MYPN: variants seen among roughly 807,000 people sequenced by gnomAD.
MYPN encodes the protein sarcomeric protein myopalladin, 145 kDa (MYOP).
A neutral mutation model predicts 129.4 loss-of-function variants in MYPN; 63 were observed. That is an observed-to-expected ratio of 0.49 (90% CI 0.40 to 0.60). The LOEUF (loss-of-function observed/expected upper bound fraction) is 0.60, where lower values mean the gene tolerates loss of function less well. Among genes scored for constraint, MYPN ranks in the 20% least tolerant of loss-of-function variants. The pLI is 0.00. For synonymous variants in MYPN, 629 were observed against 600.9 expected (o/e 1.05, Z -0.68); for missense variants, 1,596 against 1,635.4 (o/e 0.98, Z 0.42).
intron 1 of MYPN, among the ~76,000 whole-genome samples, chr10:68,092,368 G>C (rs777705914): frequency 6.6e-6 from 1 of 151,924 alleles, no homozygotes; most frequent in African/African-American, 2.4e-5. Context: ...GGTGGCAGGC[G>C]CCTGTTATCC....
chr10:68,175,703 T>C (rs2043217872), intron 12 of MYPN, among the ~76,000 whole-genome samples: 1 of 152,116 alleles, frequency 6.6e-6, no homozygotes. Flanking sequence ...TAGGATATAT[T>C]AAAGAAGAGA....
intron 1 of MYPN, among the ~76,000 whole-genome samples, chr10:68,109,944 G>GAGTTCCTAAGGAAACTCA (rs1033090941): frequency 6.6e-6 from 1 of 152,144 alleles, no homozygotes; most frequent in Non-Finnish European, 1.5e-5. Context: ...CAGACTACTT[G>GAGTTCCTAAGGAAACTCA]AGTTCCTAAG....
chr10:68,156,316 A>G (rs2042872585), intron 6 of MYPN, among the ~76,000 whole-genome samples: 2 of 152,140 alleles, frequency 1.3e-5, no homozygotes, highest in Non-Finnish European at 2.9e-5. Flanking sequence ...TGAGCACACA[A>G]TTTGCTCAGA....
intron 18 of MYPN, among the ~76,000 whole-genome samples, chr10:68,203,693 A>G (rs1041622842): frequency 6.5e-4 from 19 of 29,190 alleles, no homozygotes; most frequent in Non-Finnish European, 1.9e-3. Context: ...GCGCACGCAC[A>G]CACACACACA....
chr10:68,207,597 C>T (rs574803153), intron 19 of MYPN, among the ~76,000 whole-genome samples: 3 of 97,374 alleles, frequency 3.1e-5, no homozygotes, highest in African/African-American at 1.3e-4. Context: ...TCATTTATTC[C>T]TTTAACAAAT....
chr10:68,167,940 C>T (rs1161011582), intron 10 of MYPN, among the ~76,000 whole-genome samples: 2 of 152,166 alleles, frequency 1.3e-5, no homozygotes, highest in South Asian at 2.1e-4. Flanking sequence ...ACTAGAGAGG[C>T]GGGAACTGGG....
At chr10:68,135,001 G>C (rs2042464825) in intron 2 of MYPN, among the ~76,000 whole-genome samples, 1 of 151,760 alleles carries the variant, frequency 6.6e-6, no homozygotes, top group African/African-American at 2.4e-5. Context: ...ACCCAGGCTG[G>C]AGTACAGTGC....
chr10:68,148,389 T>A lies in MYPN; in HGVS notation c.1167T>A (p.Thr389=). The A allele has an allele frequency of 6.2e-7, 1 of 1,614,160 alleles. No individual in the cohort carries two copies. Among genetic ancestry groups the A allele is most frequent in the Non-Finnish European group, 8.5e-7 (1 of 1,179,966 alleles). The change falls in exon 5 of 20, where the codon ACT becomes ACA. Residue 389 remains threonine, a synonymous_variant. Coordinates refer to ENST00000358913, the MANE Select transcript of MYPN (RefSeq NM_032578.4). The stretch of plus-strand genomic sequence containing the variant: ...CAAATGAGGTGTCATCTCCTCCCAC[T>A]ACCTCTGCAGTCATTCCTCCAGCAG... ...QKPNEVSSPP[T]TSAVIPPAVP...
intron 2 of MYPN, among the ~76,000 whole-genome samples, chr10:68,125,820 G>A (rs1306575428): frequency 6.6e-6 from 1 of 152,168 alleles, no homozygotes; most frequent in African/African-American, 2.4e-5. Context: ...TTCACTGGGA[G>A]TACAAAACAA....
At chr10:68,204,379 T>C (rs1219615286) in intron 18 of MYPN, among the ~76,000 whole-genome samples, 1 of 152,168 alleles carries the variant, frequency 6.6e-6, no homozygotes, top group Non-Finnish European at 1.5e-5. Flanking sequence ...GCGGCCAGGC[T>C]CAAGCCCTAT....
chr10:68,140,996 C>T (rs769603181), intron 2 of MYPN, among the ~76,000 whole-genome samples: 5 of 152,200 alleles, frequency 3.3e-5, no homozygotes, highest in Middle Eastern at 3.4e-3. Context: ...CACCTGAGCC[C>T]GGGGAGGTTG....
intron 12 of MYPN, among the ~76,000 whole-genome samples, chr10:68,187,767 A>G (rs1254475148): frequency 2.0e-5 from 3 of 152,232 alleles, no homozygotes; most frequent in Non-Finnish European, 4.4e-5. Context: ...AGAGGAGCAC[A>G]GGAGACTGGT....
At chr10:68,190,628 T>G (rs1181051048) in intron 13 of MYPN, among the ~76,000 whole-genome samples, 1 of 152,254 alleles carries the variant, frequency 6.6e-6, no homozygotes, top group Admixed American at 6.5e-5. Context: ...TCTCCCATTC[T>G]GTAGGTTGTC....
At position 68,182,231 on chromosome 10, in the gene MYPN, ATATATAACATATATATAAC is replaced by A. The variant is rs1254597622; in HGVS notation, c.2704-6673_2704-6655del. Among the ~76,000 whole-genome samples the A allele has an allele frequency of 2.2e-4, 18 of 82,992 alleles. No homozygotes were observed. In the East Asian group the frequency reaches 2.8e-3, roughly 13 times the overall value. The allele number at this position is 82,992 out of a possible 152,430, so 54.4% of individuals were successfully genotyped here. A position where few individuals can be genotyped will look rare whatever the true frequency, so the allele number is the denominator to read the frequency against. On this transcript the variant is annotated intron_variant, in intron 12 of 19. Transcript: ENST00000358913. ...TGTTATATATATATATAACACATAT[ATATATAACATATATATAAC>A]ACACATATATATATAACATATATAT... is the stretch of plus-strand genomic sequence containing the variant.
At chr10:68,184,799 C>T (rs2043394391) in intron 12 of MYPN, among the ~76,000 whole-genome samples, 1 of 152,124 alleles carries the variant, frequency 6.6e-6, no homozygotes, top group Non-Finnish European at 1.5e-5. Context: ...CTTTCGGTGC[C>T]TGTGCCCTGT....
rs1451740983 is a variant in MYPN at position 68,148,396 on chromosome 10, GC to G, written c.1175del (p.Ala392GlufsTer67). Reference sequence around the variant, plus strand: ...GGTGTCATCTCCTCCCACTACCTCTGCAGTCATTCCTCCAGCAGTACCCCAA... The same window carrying G: ...GGTGTCATCTCCTCCCACTACCTCTGAGTCATTCCTCCAGCAGTACCCCAA... ...NEVSSPPTTS[A>X]VIPPAVPQAQ... On this transcript the variant is annotated frameshift_variant, in exon 5 of 20. Transcript: ENST00000358913. LOFTEE classifies it high-confidence loss of function. 1.2e-6 allele frequency: 2 copies of G among 1,613,982 alleles called. No individual in the cohort carries two copies. The highest frequency in any genetic ancestry group is 3.3e-5 in the Admixed American group (2 of 59,994).
chr10:68,108,234 A>C (rs1227921180), upstream of MYPN, among the ~76,000 whole-genome samples: 3 of 152,332 alleles, frequency 2.0e-5, no homozygotes, highest in South Asian at 6.2e-4. Flanking sequence ...AGTGTTCTTC[A>C]TCTTTTTTTG....
intron 16 of MYPN, among the ~76,000 whole-genome samples, chr10:68,198,590 C>T (rs1318950163): frequency 1.3e-5 from 2 of 152,156 alleles, no homozygotes; most frequent in Admixed American, 6.6e-5. Flanking sequence ...GCTACATCCC[C>T]CTCCCTAAAC....
chr10:68,211,960 T>C lies in MYPN; in HGVS notation c.*1505T>C. 2.7e-6 allele frequency: 1 copy of C among 367,432 alleles called. No homozygotes were observed. The highest frequency in any genetic ancestry group is 5.3e-6 in the Non-Finnish European group (1 of 187,264). The allele number at this position is 367,432 out of a possible 1,614,324, so 22.8% of individuals were successfully genotyped here. A position where few individuals can be genotyped will look rare whatever the true frequency, so the allele number is the denominator to read the frequency against. The stretch of plus-strand genomic sequence containing the variant: ...GTAACTGCTTAGAAAGGCTTGAAAC[T>C]GTCTTCACTTCAAGGCAAGGATTTC... On this transcript the variant is annotated 3_prime_UTR_variant, in exon 20 of 20. Coordinates refer to ENST00000358913, the MANE Select transcript of MYPN (RefSeq NM_032578.4).
Sources: gnomAD v4.1 joint callset for allele counts (sites outside exome capture counted in the v4.1 genomes callset) on GRCh38, gnomAD v4.1.1 for gene constraint, MANE v1.5 for transcripts, NCBI Gene and HGNC (gene_info 2026-07-23, HGNC 2026-07-21) for gene names.